Variants in NCAM2 observed in about 807,000 individuals in gnomAD.
NCAM2 encodes the protein neural cell adhesion molecule 2.
In NCAM2, 30 loss-of-function variants were observed where a neutral mutation model predicts 98.1. That is an observed-to-expected ratio of 0.31 (90% CI 0.23 to 0.41). The LOEUF (loss-of-function observed/expected upper bound fraction) is 0.41, where lower values mean the gene tolerates loss of function less well. Among genes scored for constraint, NCAM2 ranks in the 10% least tolerant of loss-of-function variants. The probability of loss-of-function intolerance (pLI) is 1.00; values close to 1 mark genes in which losing one functional copy is unlikely to be tolerated. For synonymous variants in NCAM2, 368 were observed against 342.4 expected (o/e 1.07, Z -0.83); for missense variants, 867 against 1,005.8 (o/e 0.86, Z 1.87).
At chr21:21,146,546 G>GATATATAT (rs201917811) in intron 1 of NCAM2, among the ~76,000 whole-genome samples, 1,972 of 50,234 alleles carry the variant, frequency 0.039, 63 homozygotes, top group African/African-American at 0.087. Flanking sequence ...ATACTTACAG[G>GATATATAT]ATATATATAT....
chr21:21,401,640 T>A (rs998434359), intron 9 of NCAM2, among the ~76,000 whole-genome samples: 1 of 152,172 alleles, frequency 6.6e-6, no homozygotes, highest in Admixed American at 6.5e-5. Context: ...ATGTCAGAAT[T>A]TCCTTCTATT....
chr21:21,098,694 G>C (rs1199923112), intron 1 of NCAM2, among the ~76,000 whole-genome samples: 2 of 151,764 alleles, frequency 1.3e-5, no homozygotes, highest in Non-Finnish European at 2.9e-5. Context: ...AGATGTGCGT[G>C]GCAATGTGAA....
Position 21,284,313 on chromosome 21 carries a change from A to C in NCAM2, c.250A>C (p.Asn84His). ...VRSRLTIYNA[N>H]IEDAGIYRCQ... ...GTCACGGTTAACCATCTACAATGCA[A>C]ATATAGAAGATGCAGGGATATATCG... Residue 84 changes from asparagine (N) to histidine (H), a missense_variant, in exon 3 of 18, where the codon AAT becomes CAT. By Grantham distance (68) the Asn-to-His change is moderately conservative. Coordinates refer to ENST00000400546, the MANE Select transcript of NCAM2 (RefSeq NM_004540.5). The C allele has an allele frequency of 6.2e-7, 1 of 1,612,224 alleles. No individual in the cohort carries two copies. Among genetic ancestry groups the C allele is most frequent in the Non-Finnish European group, 8.5e-7 (1 of 1,178,552 alleles).
At chr21:21,259,260 GTC>G (rs1274738515) in intron 1 of NCAM2, among the ~76,000 whole-genome samples, 2 of 152,148 alleles carry the variant, frequency 1.3e-5, no homozygotes, top group African/African-American at 4.8e-5. Flanking sequence ...TGAGAGAAGA[GTC>G]TCTGTGCTGA....
At chr21:21,096,311 C>G (rs1364568168) in intron 1 of NCAM2, among the ~76,000 whole-genome samples, 1 of 151,574 alleles carries the variant, frequency 6.6e-6, no homozygotes, top group African/African-American at 2.4e-5. Flanking sequence ...TTAACGATCT[C>G]TGAAAGTGCA....
At chr21:21,327,239 C>T (rs1160147346) in intron 6 of NCAM2, among the ~76,000 whole-genome samples, 6 of 135,418 alleles carry the variant, frequency 4.4e-5, no homozygotes, top group Non-Finnish European at 7.6e-5. Flanking sequence ...ACCCGGGAGA[C>T]GGAGGTTGCA....
chr21:21,325,281 C>T (rs1388108730), intron 6 of NCAM2, among the ~76,000 whole-genome samples: 1 of 152,072 alleles, frequency 6.6e-6, no homozygotes, highest in African/African-American at 2.4e-5. Context: ...GTAAAATATA[C>T]ATCAGAAGTG....
At chr21:21,346,678 C>G (rs917076638) in intron 8 of NCAM2, among the ~76,000 whole-genome samples, 4 of 151,936 alleles carry the variant, frequency 2.6e-5, no homozygotes, top group African/African-American at 9.7e-5. Flanking sequence ...ATCAAGCATC[C>G]TCTCTGACCA....
intron 1 of NCAM2, among the ~76,000 whole-genome samples, chr21:21,236,803 T>C (rs1245809738): frequency 6.6e-6 from 1 of 151,746 alleles, no homozygotes; most frequent in Non-Finnish European, 1.5e-5. Flanking sequence ...CACGTGTGCA[T>C]TTTACAAATA....
At chr21:21,331,729 C>T (rs2074714612) in intron 6 of NCAM2, among the ~76,000 whole-genome samples, 1 of 142,368 alleles carries the variant, frequency 7.0e-6, no homozygotes. Context: ...CCTGGGAACA[C>T]AGGCACGTGC....
At chr21:21,025,762 T>C (rs2064532749) in intron 1 of NCAM2, among the ~76,000 whole-genome samples, 1 of 152,218 alleles carries the variant, frequency 6.6e-6, no homozygotes, top group Non-Finnish European at 1.5e-5. Context: ...GAGATGGAGC[T>C]AATAATTGGT....
At chr21:21,338,980 A>T (rs1283272140) in intron 8 of NCAM2, among the ~76,000 whole-genome samples, 4 of 152,130 alleles carry the variant, frequency 2.6e-5, no homozygotes, top group Non-Finnish European at 5.9e-5. Flanking sequence ...CAGCAATTTC[A>T]GTTTCTTAAA....
chr21:21,061,228 GT>G (rs1254548057), intron 1 of NCAM2, among the ~76,000 whole-genome samples: 1 of 152,064 alleles, frequency 6.6e-6, no homozygotes, highest in Admixed American at 6.6e-5. Context: ...AAAGACCTGT[GT>G]TCAATATTTT....
intron 5 of NCAM2, among the ~76,000 whole-genome samples, chr21:21,321,524 T>TA (rs1568930985): frequency 6.6e-6 from 1 of 152,192 alleles, no homozygotes; most frequent in African/African-American, 2.4e-5. Context: ...TAAGTTTTTT[T>TA]TATATATACT....
intron 15 of NCAM2, among the ~76,000 whole-genome samples, chr21:21,498,675 C>A (rs573642051): frequency 6.6e-6 from 1 of 152,268 alleles, no homozygotes; most frequent in South Asian, 2.1e-4. Flanking sequence ...GGAGCCGAGA[C>A]ATACCAGAGT....
intron 1 of NCAM2, among the ~76,000 whole-genome samples, chr21:21,089,021 T>C (rs1405709923): frequency 1.4e-4 from 22 of 152,008 alleles, no homozygotes; most frequent in Admixed American, 1.4e-3. Context: ...TTTTTCAGGC[T>C]TCAGGGATCA....
chr21:21,196,046 G>T (rs1179769311), intron 1 of NCAM2, among the ~76,000 whole-genome samples: 2 of 152,208 alleles, frequency 1.3e-5, no homozygotes, highest in Admixed American at 1.3e-4. Context: ...CTGGATCAGT[G>T]TATGAAGTTT....
Position 21,129,068 on chromosome 21 carries a change from A to T in NCAM2, c.55+130450A>T, listed in dbSNP as rs1340248758. Among the ~76,000 whole-genome samples the T allele has an allele frequency of 2.0e-5, 3 of 152,320 alleles. No individual in the cohort carries two copies. The South Asian group carries it at 6.2e-4, about 32-fold the overall frequency. ...TATGAACTGCTTATTAAGAGCTATC[A>T]TTAAGTTTTCAGGTAAACAAATTTT... On this transcript the variant is annotated intron_variant, in intron 1 of 17. Coordinates refer to ENST00000400546, the MANE Select transcript of NCAM2 (RefSeq NM_004540.5).
intron 1 of NCAM2, among the ~76,000 whole-genome samples, chr21:21,025,019 A>G (rs2064514359): frequency 6.6e-6 from 1 of 152,194 alleles, no homozygotes; most frequent in African/African-American, 2.4e-5. Flanking sequence ...TATTGTTTGC[A>G]TTCTTTCCTC....
Sources: allele counts gnomAD v4.1 joint callset (sites outside exome capture counted in the v4.1 genomes callset), GRCh38; gene constraint gnomAD v4.1.1; transcripts MANE v1.5; gene names NCBI Gene and HGNC (gene_info 2026-07-23, HGNC 2026-07-21).